The following UNC5D variants were observed in gnomAD, a reference collection of about 807,000 sequenced individuals.
UNC5D encodes unc-5 netrin receptor D, also known as netrin receptor UNC5D.
In UNC5D, 39 loss-of-function variants were observed where a neutral mutation model predicts 105.4. The ratio of observed to expected loss-of-function variants is 0.37; its 90% confidence interval spans 0.29 to 0.48. UNC5D has a LOEUF of 0.48. UNC5D is among the 20% of genes least tolerant of loss of function. UNC5D has a pLI of 0.98. For missense variants in UNC5D, 991 were observed against 1,202.4 expected (o/e 0.82, Z 2.60); for synonymous variants, 452 against 450.4 (o/e 1.00, Z -0.04).
chr8:35,702,809 GA>G (rs1351446667), intron 7 of UNC5D, among the ~76,000 whole-genome samples: 2 of 152,082 alleles, frequency 1.3e-5, no homozygotes, highest in Non-Finnish European at 2.9e-5. Context: ...GATGCCAGGG[GA>G]CTAAAACCCT....
intron 2 of UNC5D, among the ~76,000 whole-genome samples, chr8:35,563,845 G>A (rs1452970315): frequency 6.6e-6 from 1 of 151,936 alleles, no homozygotes; most frequent in Non-Finnish European, 1.5e-5. Context: ...TTTGTCAAAT[G>A]CTTTTTCAGC....
intron 1 of UNC5D, among the ~76,000 whole-genome samples, chr8:35,540,159 A>G (rs907823987): frequency 1.3e-5 from 2 of 152,226 alleles, no homozygotes; most frequent in African/African-American, 4.8e-5. Flanking sequence ...AAAATTAGTC[A>G]GTGGGACATA....
At chr8:35,283,719 T>A (rs1406971049) in intron 1 of UNC5D, among the ~76,000 whole-genome samples, 1 of 151,584 alleles carries the variant, frequency 6.6e-6, no homozygotes, top group African/African-American at 2.4e-5. Context: ...CAGGAGAATC[T>A]CTTGAACCCA....
intron 1 of UNC5D, among the ~76,000 whole-genome samples, chr8:35,392,594 T>C (rs899822104): frequency 2.0e-5 from 3 of 152,222 alleles, no homozygotes; most frequent in Non-Finnish European, 2.9e-5. Context: ...CTGTCTTTCA[T>C]GTTTAAGGAA....
At chr8:35,317,613 A>G (rs1396557427) in intron 1 of UNC5D, among the ~76,000 whole-genome samples, 1 of 152,094 alleles carries the variant, frequency 6.6e-6, no homozygotes, top group African/African-American at 2.4e-5. Context: ...GTCAAAGTAA[A>G]CATTCCTATC....
At chr8:35,431,837 T>G (rs1806662125) in intron 1 of UNC5D, among the ~76,000 whole-genome samples, 1 of 152,154 alleles carries the variant, frequency 6.6e-6, no homozygotes, top group Non-Finnish European at 1.5e-5. Flanking sequence ...TATTTAAAAG[T>G]AATTTATGAA....
At chr8:35,671,759 T>A (rs1824822955) in intron 4 of UNC5D, among the ~76,000 whole-genome samples, 1 of 152,148 alleles carries the variant, frequency 6.6e-6, no homozygotes, top group South Asian at 2.1e-4. Flanking sequence ...GGATAGAGTG[T>A]CTAGTAATCA....
chr8:35,707,582 C>G (rs922329125), intron 8 of UNC5D, among the ~76,000 whole-genome samples: 1 of 152,136 alleles, frequency 6.6e-6, no homozygotes, highest in African/African-American at 2.4e-5. Context: ...TGGACTCTTA[C>G]CTTGCTCCCG....
chr8:35,495,748 T>A (rs1209926733), intron 1 of UNC5D, among the ~76,000 whole-genome samples: 3 of 152,130 alleles, frequency 2.0e-5, no homozygotes, highest in Admixed American at 1.3e-4. Context: ...TGTGCAAAAA[T>A]TTCATTGAAA....
intron 4 of UNC5D, among the ~76,000 whole-genome samples, chr8:35,678,327 T>A (rs1268032426): frequency 6.6e-6 from 1 of 152,212 alleles, no homozygotes; most frequent in Non-Finnish European, 1.5e-5. Flanking sequence ...CTTCCCTTTT[T>A]TAATCCTCTT....
chr8:35,639,062 C>A (rs1822551504), intron 4 of UNC5D, among the ~76,000 whole-genome samples: 1 of 152,098 alleles, frequency 6.6e-6, no homozygotes, highest in Non-Finnish European at 1.5e-5. Context: ...GAATTGTGTA[C>A]CCAAAGCAAA....
chr8:35,380,224 A>G (rs941986287), intron 1 of UNC5D, among the ~76,000 whole-genome samples: 7 of 148,118 alleles, frequency 4.7e-5, no homozygotes, highest in Non-Finnish European at 8.9e-5. Context: ...AGAGAGAGGG[A>G]GAGAGAGAGA....
chr8:35,332,246 T>G (rs1256770896), intron 1 of UNC5D, among the ~76,000 whole-genome samples: 1 of 152,246 alleles, frequency 6.6e-6, no homozygotes, highest in African/African-American at 2.4e-5. Flanking sequence ...GAGCTTTCAA[T>G]GTGTTCAGTC....
intron 7 of UNC5D, among the ~76,000 whole-genome samples, chr8:35,702,909 T>C (rs943498273): frequency 2.0e-5 from 3 of 152,084 alleles, no homozygotes; most frequent in Non-Finnish European, 4.4e-5. Context: ...CAAGTCCCAC[T>C]GTAGAGAAGT....
Position 35,603,592 on chromosome 8 carries a change from T to C in UNC5D, c.570+7935T>C, listed in dbSNP as rs538953559. 2.8e-4 allele frequency among the ~76,000 whole-genome samples: 43 copies of C among 152,202 alleles called. 1 individual carries two copies. The South Asian group carries it at 8.7e-3, about 31-fold the overall frequency. ...TGCAGAGCTGAGTTCAATTCCTGGGTATCCTTGTTGACTTTCTGTCTCGTT... is the reference window on the plus strand; with the variant it reads ...TGCAGAGCTGAGTTCAATTCCTGGGCATCCTTGTTGACTTTCTGTCTCGTT... On this transcript the variant is annotated intron_variant, in intron 4 of 16. Coordinates refer to ENST00000404895, the MANE Select transcript of UNC5D (RefSeq NM_080872.4).
chr8:35,321,355 G>GGA (rs1192339739), intron 1 of UNC5D, among the ~76,000 whole-genome samples: 1 of 152,148 alleles, frequency 6.6e-6, no homozygotes, highest in Non-Finnish European at 1.5e-5. Flanking sequence ...GAGACCAGGT[G>GGA]GAGGTAATTG....
chr8:35,762,278 T>A (rs1475092734), intron 14 of UNC5D, among the ~76,000 whole-genome samples: 1 of 152,178 alleles, frequency 6.6e-6, no homozygotes, highest in Non-Finnish European at 1.5e-5. Context: ...GAGTTCAAGG[T>A]TGGGCCCTGA....
At chr8:35,405,063 A>T (rs1804716774) in intron 1 of UNC5D, among the ~76,000 whole-genome samples, 1 of 152,222 alleles carries the variant, frequency 6.6e-6, no homozygotes, top group African/African-American at 2.4e-5. Flanking sequence ...ATTTGGATGT[A>T]TTTATGAAAC....
chr8:35,246,141 A>G (rs1258978678), intron 1 of UNC5D, among the ~76,000 whole-genome samples: 1 of 152,148 alleles, frequency 6.6e-6, no homozygotes, highest in Non-Finnish European at 1.5e-5. Flanking sequence ...TATTTGTAGG[A>G]GAAGCAGTGA....
Sources: allele counts gnomAD v4.1 joint callset (sites outside exome capture counted in the v4.1 genomes callset), GRCh38; gene constraint gnomAD v4.1.1; transcripts MANE v1.5; gene names NCBI Gene and HGNC (gene_info 2026-07-23, HGNC 2026-07-21).